Variants in PAPOLA observed in about 807,000 individuals in gnomAD.
PAPOLA encodes the protein polynucleotide adenylyltransferase alpha.
Under a neutral mutation model 100.6 loss-of-function variants are expected in PAPOLA, and 15 were observed. The ratio of observed to expected loss-of-function variants is 0.15; its 90% confidence interval spans 0.10 to 0.23. PAPOLA has a LOEUF of 0.23. Ranked by LOEUF, PAPOLA falls within the 10% of genes least tolerant of loss-of-function variation. PAPOLA has a pLI of 1.00. For synonymous variants in PAPOLA, 293 were observed against 300.0 expected (o/e 0.98, Z 0.24); for missense variants, 533 against 884.2 (o/e 0.60, Z 5.04).
intron 17 of PAPOLA, 102 bp from the exon 18 acceptor site, chr14:96,555,745 A>T: frequency 1.8e-6 from 1 of 561,442 alleles, no homozygotes; most frequent in Non-Finnish European, 3.0e-6. Flanking sequence ...AGAATCATTT[A>T]CTTTACAAAA....
intron 1 of PAPOLA, chr14:96,503,031 T>C (rs770103233): frequency 3.3e-4 from 61 of 184,710 alleles, no homozygotes; most frequent in Middle Eastern, 2.1e-3. Context: ...CTCGGGCCCA[T>C]TCGATGTTGC....
chr14:96,533,521 A>G (rs1159115020), intron 9 of PAPOLA: 1 of 809,594 alleles, frequency 1.2e-6, no homozygotes, highest in Non-Finnish European at 1.5e-6. Flanking sequence ...ATCAGGTGTG[A>G]TAAGATTAAA....
At chr14:96,542,625 C>A in intron 13 of PAPOLA, 149 bp from the exon 14 acceptor site, 1 of 683,746 alleles carries the variant, frequency 1.5e-6, no homozygotes, top group Non-Finnish European at 2.4e-6. Context: ...TCTTTTTTCC[C>A]CGTTGTTTGG....
chr14:96,533,171 GATTTTT>G, intron 9 of PAPOLA: 1 of 984,088 alleles, frequency 1.0e-6, no homozygotes, highest in Non-Finnish European at 1.2e-6. Flanking sequence ...CATTAACCCA[GATTTTT>G]TTAAGTTTCT....
chr14:96,544,560 A>G (rs1045275021), intron 15 of PAPOLA, among the ~76,000 whole-genome samples: 3 of 152,058 alleles, frequency 2.0e-5, no homozygotes, highest in African/African-American at 7.2e-5. Context: ...TCCTTTAAGT[A>G]TCATGTTGGC....
At chr14:96,503,361 T>G (rs1433844384) in intron 1 of PAPOLA, among the ~76,000 whole-genome samples, 1 of 152,204 alleles carries the variant, frequency 6.6e-6, no homozygotes, top group East Asian at 1.9e-4. Context: ...TACTTTTTTT[T>G]TCCTGGTTGT....
At chr14:96,555,082 T>G (rs1393739254) in intron 17 of PAPOLA, among the ~76,000 whole-genome samples, 1 of 152,068 alleles carries the variant, frequency 6.6e-6, no homozygotes, top group Non-Finnish European at 1.5e-5. Flanking sequence ...GATATTGAAA[T>G]AATCCCCTTG....
Position 96,542,777 on chromosome 14 carries a change from G to A in PAPOLA, c.1173G>A (p.Val391=). 1.9e-6 allele frequency: 3 copies of A among 1,606,564 alleles called. No individual in the cohort carries two copies. Among genetic ancestry groups the A allele is most frequent in the African/African-American group, 2.7e-5 (2 of 74,384 alleles). ...ATACTAAGTGACATTTGTTCAGGGT[G>A]GGCTTGGTGGAATCAAAAATCCGAA... is the stretch of plus-strand genomic sequence containing the variant. ...APTEKQRLEW[V]GLVESKIRIL... Residue 391 remains valine, a synonymous_variant, in exon 14 of 22, where the codon GTG becomes GTA. Transcript: ENST00000216277.
At chr14:96,532,718 A>G (rs558878423) in intron 9 of PAPOLA, 69 bp downstream of exon 9, 2 of 1,467,812 alleles carry the variant, frequency 1.4e-6, no homozygotes, top group South Asian at 3.0e-5. Flanking sequence ...TTTCTATGAC[A>G]TTTCTCAGCT....
chr14:96,554,724 A>G (rs1022226284), intron 17 of PAPOLA, among the ~76,000 whole-genome samples: 6 of 152,210 alleles, frequency 3.9e-5, no homozygotes, highest in Admixed American at 6.5e-5. Context: ...ATTTATTTAA[A>G]TGCTAATGTG....
At chr14:96,502,648 G>C (rs765819282) in intron 1 of PAPOLA, 48 bp downstream of exon 1, 20 of 1,555,250 alleles carry the variant, frequency 1.3e-5, no homozygotes, top group Admixed American at 7.7e-5. Flanking sequence ...CTGGGCCTTG[G>C]GGGGCGTCCG....
intron 16 of PAPOLA, among the ~76,000 whole-genome samples, chr14:96,550,654 T>A (rs1338745024): frequency 2.0e-5 from 3 of 152,248 alleles, no homozygotes; most frequent in African/African-American, 7.2e-5. Flanking sequence ...TGTGTTAACA[T>A]ATCGTGACCA....
In PAPOLA at chr14:96,531,459, T is replaced by C; in HGVS notation, c.496-16T>C. The stretch of plus-strand genomic sequence containing the variant: ...TAGTTTGACAGATATGGAATGTTGT[T>C]TTGTTTGTGTTTCAGATTGATATTT... On this transcript the variant is annotated splice_polypyrimidine_tract_variant and intron_variant, in intron 6 of 21. Transcript: ENST00000216277. 1.9e-6 allele frequency: 3 copies of C among 1,575,006 alleles called. No individual in the cohort carries two copies. Among genetic ancestry groups the C allele is most frequent in the Non-Finnish European group, 2.6e-6 (3 of 1,155,830 alleles).
intron 12 of PAPOLA, among the ~76,000 whole-genome samples, chr14:96,540,949 C>T (rs1899932365): frequency 2.0e-5 from 3 of 152,210 alleles, no homozygotes; most frequent in South Asian, 4.1e-4. Flanking sequence ...TGCAGTGGTG[C>T]GATGATCTCG....
chr14:96,534,584 C>T, intron 10 of PAPOLA, 21 bp downstream of exon 10: 1 of 1,613,724 alleles, frequency 6.2e-7, no homozygotes, highest in Non-Finnish European at 8.5e-7. Context: ...TATTTTTTCC[C>T]CTACCAATTC....
At chr14:96,548,702 C>T (rs2140313962) in intron 16 of PAPOLA, among the ~76,000 whole-genome samples, 1 of 151,988 alleles carries the variant, frequency 6.6e-6, no homozygotes, top group South Asian at 2.1e-4. Context: ...AGTTTAAAAA[C>T]CTAAAAAACA....
intron 14 of PAPOLA, 113 bp from the exon 15 acceptor site, chr14:96,544,036 A>G (rs1566857985): frequency 3.1e-6 from 2 of 653,946 alleles, no homozygotes; most frequent in Admixed American, 5.4e-5. Context: ...TAGAACTTTT[A>G]GTTTGCTCAT....
intron 16 of PAPOLA, among the ~76,000 whole-genome samples, chr14:96,550,179 T>G (rs1900730797): frequency 6.6e-6 from 1 of 152,212 alleles, no homozygotes; most frequent in Admixed American, 6.5e-5. Context: ...TAAAAAAGTA[T>G]ACAAACGTTT....
At chr14:96,527,096 A>G (rs58614592) in intron 4 of PAPOLA, 11,895 of 222,284 alleles carry the variant, frequency 0.054, 343 homozygotes, top group Admixed American at 0.057. Context: ...TGTTTTACCA[A>G]TGAACATGGC....
Sources: gnomAD v4.1 joint callset for allele counts (sites outside exome capture counted in the v4.1 genomes callset) on GRCh38, gnomAD v4.1.1 for gene constraint, MANE v1.5 for transcripts, NCBI Gene and HGNC (gene_info 2026-07-23, HGNC 2026-07-21) for gene names.